The following RSPH6A variants were observed in gnomAD, a reference collection of about 807,000 sequenced individuals.
RSPH6A encodes radial spoke head 6 homolog A, also known as radial spoke head protein 6 homolog A.
A neutral mutation model predicts 66.1 loss-of-function variants in RSPH6A; 49 were observed. The observed-to-expected ratio is 0.74, with a 90% CI of 0.59 to 0.94. The LOEUF is 0.94. RSPH6A is among the 40% of genes least tolerant of loss of function. The probability of loss-of-function intolerance (pLI) is 0.00; values close to 1 mark genes in which losing one functional copy is unlikely to be tolerated. For missense variants in RSPH6A, 977 were observed against 948.3 expected, an observed-to-expected ratio of 1.03 and a Z score of -0.40; for synonymous variants, 419 against 402.4, an observed-to-expected ratio of 1.04 and a Z score of -0.49.
rs1970405398 is a variant in RSPH6A at position 45,796,050 on chromosome 19, T to C, written c.1973A>G (p.Asn658Ser). 5 of 1,612,996 alleles carry C rather than the reference T, an allele frequency of 3.1e-6. No homozygotes were observed. The highest frequency in any genetic ancestry group is 2.7e-5 in the African/African-American group (2 of 74,842). The change falls in exon 6 of 6, where the codon AAC becomes AGC. Residue 658 changes from asparagine (N) to serine (S), a missense_variant. By Grantham distance (46) the Asn-to-Ser change is conservative. Coordinates refer to ENST00000221538, the MANE Select transcript of RSPH6A (RefSeq NM_030785.4). ...TTGAATGGGGGCTGGCAGGGCCGGG[T>C]TGAAGCTCTCGGGGCTGTACTTGTG... ...WGHKYSPESF[N>S]PALPAPIQQE...
At chr19:45,809,806 G>T (rs922212273) in intron 2 of RSPH6A, among the ~76,000 whole-genome samples, 2 of 152,184 alleles carry the variant, frequency 1.3e-5, no homozygotes, top group Non-Finnish European at 2.9e-5. Flanking sequence ...GCAGTGGGGG[G>T]GCAGGAAGGA....
intron 4 of RSPH6A, among the ~76,000 whole-genome samples, chr19:45,801,571 G>A (rs375102046): frequency 6.6e-6 from 1 of 152,184 alleles, no homozygotes; most frequent in Non-Finnish European, 1.5e-5. Context: ...GATCAGCCTG[G>A]CCAACATGGT....
intron 2 of RSPH6A, among the ~76,000 whole-genome samples, chr19:45,810,133 A>AC (rs1476722774): frequency 5.9e-5 from 9 of 151,614 alleles, no homozygotes; most frequent in Non-Finnish European, 2.9e-5. Flanking sequence ...ACATAGCAAG[A>AC]CCCCCATCTC....
At position 45,802,255 on chromosome 19, in the gene RSPH6A, T is replaced by G. The variant is rs753723367; in HGVS notation, c.1663A>C (p.Thr555Pro). 7.0e-7 allele frequency: 1 copy of G among 1,434,820 alleles called. No individual in the cohort carries two copies. The highest frequency in any genetic ancestry group is 1.4e-5 in the African/African-American group (1 of 69,198). The allele number at this position is 1,434,820 out of a possible 1,614,324, so 88.9% of individuals were successfully genotyped here. Residue 555 changes from threonine (T) to proline (P), a missense_variant, in exon 4 of 6, where the codon ACT becomes CCT. Coordinates refer to ENST00000221538, the MANE Select transcript of RSPH6A (RefSeq NM_030785.4). Reference protein sequence around the residue: ...TQHILPQGRCTWVNPLQKTEE... With the variant: ...TQHILPQGRCPWVNPLQKTEE... Reference sequence around the variant, plus strand: ...GTCTTCTGCAAAGGGTTCACCCAAGTGCAGCGGCCCTGGGGGTGGGGGGAA... The same window carrying G: ...GTCTTCTGCAAAGGGTTCACCCAAGGGCAGCGGCCCTGGGGGTGGGGGGAA...
intron 1 of RSPH6A, among the ~76,000 whole-genome samples, chr19:45,812,234 G>A (rs1053756204): frequency 3.3e-5 from 5 of 151,612 alleles, no homozygotes; most frequent in South Asian, 4.2e-4. Context: ...GGGATTACAC[G>A]TGTGCCAACA....
rs989231502 is a variant in RSPH6A at position 45,804,457 on chromosome 19, GCC to G, written c.1446_1447del (p.Ala483ProfsTer20). The G allele has an allele frequency of 1.2e-6, 2 of 1,613,918 alleles. No homozygotes were observed. Among genetic ancestry groups the G allele is most frequent in the Admixed American group, 3.3e-5 (2 of 59,988 alleles). ...GGCGGCCGAGATGCGGGCTATCTGG[GCC>G]CGCAGGTAGTTGGCCTCGTTGCCCG... On this transcript the variant is annotated frameshift_variant, in exon 3 of 6. Coordinates refer to ENST00000221538, the MANE Select transcript of RSPH6A (RefSeq NM_030785.4). LOFTEE classifies it high-confidence loss of function. This position sits in a 1 kb window ranked among gnomAD's most constrained non-coding sequence, Gnocchi z 5.8.
Position 45,814,984 on chromosome 19 carries a change from G to A in RSPH6A, c.193C>T (p.Gln65Ter). The A allele has an allele frequency of 1.2e-6, 2 of 1,613,978 alleles. No individual in the cohort carries two copies. Among genetic ancestry groups the A allele is most frequent in the South Asian group, 1.1e-5 (1 of 91,084 alleles). Residue 65 changes from glutamine to a stop codon, truncating the protein, a stop_gained, in exon 1 of 6, where the codon CAA (glutamine) becomes TAA (stop). Coordinates refer to ENST00000221538, the MANE Select transcript of RSPH6A (RefSeq NM_030785.4). LOFTEE classifies it high-confidence loss of function. Reference protein sequence around the residue: ...PGWSQRGSLSQQENLLMPQVF... With the variant: ...PGWSQRGSLS ...TGGGGCATCAGCAAGTTCTCCTGTT[G>A]GGACAGGCTGCCCCTCTGTGACCAA...
intron 5 of RSPH6A, among the ~76,000 whole-genome samples, chr19:45,799,572 C>A (rs1219831442): frequency 1.3e-5 from 2 of 150,956 alleles, no homozygotes; most frequent in African/African-American, 4.9e-5. Context: ...CAGATAGTGT[C>A]TTACTGTGTT....
At chr19:45,803,916 C>A (rs1970504976) in intron 3 of RSPH6A, among the ~76,000 whole-genome samples, 1 of 150,046 alleles carries the variant, frequency 6.7e-6, no homozygotes, top group African/African-American at 2.5e-5. Flanking sequence ...TCGCTTGAAC[C>A]CAGGAGGTGG....
rs993721077 is a variant in RSPH6A at position 45,810,702 on chromosome 19, G to A, written c.789C>T (p.Pro263=). Residue 263 remains proline, a synonymous_variant, in exon 2 of 6, where the codon CCC becomes CCT. Transcript: ENST00000221538. ...HPKLDTLRDD[P]EMQPTYKMAE... Reference sequence around the variant, plus strand: ...CCATCTTGTAGGTGGGCTGCATCTCGGGGTCGTCCCGCAGCGTGTCCAGCT... The same window carrying A: ...CCATCTTGTAGGTGGGCTGCATCTCAGGGTCGTCCCGCAGCGTGTCCAGCT... 11 of 1,614,028 alleles carry A rather than the reference G, an allele frequency of 6.8e-6. No homozygotes were observed. Among genetic ancestry groups the A allele is most frequent in the East Asian group, 2.2e-5 (1 of 44,890 alleles).
At chr19:45,806,670 C>CAAAAAA (rs71175223) in intron 2 of RSPH6A, among the ~76,000 whole-genome samples, 1 of 29,128 alleles carries the variant, frequency 3.4e-5, no homozygotes, top group East Asian at 1.4e-3. Context: ...GACTCTGTCT[C>CAAAAAA]AAAAAAAAAA....
chr19:45,797,218 T>C lies in RSPH6A; in HGVS notation c.1917-1112A>G, dbSNP rs1033034134. On this transcript the variant is annotated intron_variant, in intron 5 of 5. Transcript: ENST00000221538. Reference sequence around the variant, plus strand: ...GGTGAAACCCCGTCTCTACTAAAAATACAAAAACAAAATCAGTGGGGCGTG... The same window carrying C: ...GGTGAAACCCCGTCTCTACTAAAAACACAAAAACAAAATCAGTGGGGCGTG... 2.0e-5 allele frequency among the ~76,000 whole-genome samples: 3 copies of C among 150,780 alleles called. 1 individual carries two copies. Among genetic ancestry groups the C allele is most frequent in the Admixed American group, 1.3e-4 (2 of 15,170 alleles).
intron 5 of RSPH6A, among the ~76,000 whole-genome samples, chr19:45,798,313 C>A (rs180995955): frequency 6.6e-6 from 1 of 151,430 alleles, no homozygotes; most frequent in Non-Finnish European, 1.5e-5. Flanking sequence ...GAGTTGAGAT[C>A]GCACCACTAA....
At chr19:45,813,348 C>T (rs904269576) in intron 1 of RSPH6A, among the ~76,000 whole-genome samples, 5 of 151,950 alleles carry the variant, frequency 3.3e-5, no homozygotes, top group African/African-American at 4.8e-5. Context: ...CTGACCCACA[C>T]AATTTATTTT....
intron 1 of RSPH6A, among the ~76,000 whole-genome samples, chr19:45,811,599 C>T (rs866281581): frequency 6.6e-6 from 1 of 151,540 alleles, no homozygotes; most frequent in African/African-American, 2.4e-5. Context: ...CACCATGTCC[C>T]GCTAATTTTT....
At chr19:45,807,988 G>C (rs1473830609) in intron 2 of RSPH6A, among the ~76,000 whole-genome samples, 1 of 152,176 alleles carries the variant, frequency 6.6e-6, no homozygotes, top group Non-Finnish European at 1.5e-5. Context: ...TTCTGTGTGA[G>C]AAAAATGACC....
Position 45,796,089 on chromosome 19 carries a change from T to C in RSPH6A, c.1934A>G (p.Tyr645Cys), listed in dbSNP as rs1970406173. The C allele has an allele frequency of 1.9e-6, 3 of 1,577,698 alleles. No homozygotes were observed. Among genetic ancestry groups the C allele is most frequent in the South Asian group, 2.3e-5 (2 of 87,762 alleles). Residue 645 changes from tyrosine to cysteine, a missense_variant, in exon 6 of 6, where the codon TAC becomes TGC. Tyr to Cys is a radical substitution (Grantham distance 194). Transcript: ENST00000221538. ...GCTGTACTTGTGACCCCAGCCGATG[T>C]AGATGTTCTCAAACTTTCTGGAGAA... The part of the protein sequence containing the change: ...YASGKKFENI[Y>C]IGWGHKYSPE...
At chr19:45,800,360 C>T (rs988063851) in intron 5 of RSPH6A, 86 bp downstream of exon 5, 1 of 1,208,226 alleles carries the variant, frequency 8.3e-7, no homozygotes, top group Non-Finnish European at 1.2e-6. Flanking sequence ...CCCATCTCTG[C>T]CCACCCTGGC....
chr19:45,808,583 A>T (rs1405013227), intron 2 of RSPH6A, among the ~76,000 whole-genome samples: 33 of 151,240 alleles, frequency 2.2e-4, no homozygotes, highest in Non-Finnish European at 1.5e-5. Context: ...ACAGAATGAG[A>T]CTCCATCTCA....
Sources: gnomAD v4.1 joint callset for allele counts (sites outside exome capture counted in the v4.1 genomes callset) on GRCh38, gnomAD v4.1.1 for gene constraint, Gnocchi (gnomAD v3.1) non-coding constraint, MANE v1.5 for transcripts, NCBI Gene and HGNC (gene_info 2026-07-23, HGNC 2026-07-21) for gene names.